Variants in TAFA2 observed in about 807,000 individuals in gnomAD.
The protein encoded by TAFA2 is TAFA chemokine like family member 2.
A neutral mutation model predicts 18.8 loss-of-function variants in TAFA2; 7 were observed. That is an observed-to-expected ratio of 0.37 (90% CI 0.21 to 0.70). The LOEUF is 0.70. Among genes scored for constraint, TAFA2 ranks in the 30% least tolerant of loss-of-function variants. TAFA2 has a pLI of 0.53. For missense variants in TAFA2, 122 were observed against 158.1 expected (o/e 0.77, Z 1.23); for synonymous variants, 60 against 54.2 (o/e 1.11, Z -0.47).
intron 2 of TAFA2, among the ~76,000 whole-genome samples, chr12:61,762,584 G>T (rs527672394): frequency 6.6e-6 from 1 of 150,870 alleles, no homozygotes; most frequent in South Asian, 2.1e-4. Flanking sequence ...CAAAGAAGTG[G>T]CTGTTAGGGG....
chr12:61,762,787 A>G (rs1869615864), intron 2 of TAFA2, among the ~76,000 whole-genome samples: 1 of 151,942 alleles, frequency 6.6e-6, no homozygotes, highest in African/African-American at 2.4e-5. Context: ...ACTAGATTTC[A>G]GTTCTTATTT....
intron 1 of TAFA2, among the ~76,000 whole-genome samples, chr12:61,873,394 G>T (rs1250208065): frequency 6.6e-6 from 1 of 151,998 alleles, no homozygotes; most frequent in Non-Finnish European, 1.5e-5. Flanking sequence ...CTGGTGTGCT[G>T]CTCTTTCAAG....
Position 61,979,310 on chromosome 12 carries a change from A to G in TAFA2, c.-1-111884T>C, listed in dbSNP as rs190747482. ...TAACTCAGTGGAATTGCTGAATGGC[A>G]AAGTGAATCACTGCCTTCCTGGGTA... On this transcript the variant is annotated intron_variant, in intron 1 of 4. Coordinates refer to ENST00000416284, the MANE Select transcript of TAFA2 (RefSeq NM_178539.5). Among the ~76,000 whole-genome samples the G allele has an allele frequency of 2.3e-3, 350 of 152,300 alleles. 1 individual carries two copies. Among genetic ancestry groups the G allele is most frequent in the South Asian group, 9.5e-3 (46 of 4,830 alleles).
chr12:61,802,470 C>T (rs1871438622), intron 2 of TAFA2, among the ~76,000 whole-genome samples: 1 of 151,846 alleles, frequency 6.6e-6, no homozygotes, highest in Non-Finnish European at 1.5e-5. Context: ...CATGGATGAG[C>T]CTGGAAGACA....
At chr12:62,218,058 C>T (rs563569166) in intron 1 of TAFA2, among the ~76,000 whole-genome samples, 81 of 151,676 alleles carry the variant, frequency 5.3e-4, no homozygotes, top group Non-Finnish European at 9.1e-4. Flanking sequence ...TGCAGTGATG[C>T]GATCATAGCT....
At chr12:62,122,331 T>G (rs1274410841) in intron 1 of TAFA2, among the ~76,000 whole-genome samples, 1 of 152,198 alleles carries the variant, frequency 6.6e-6, no homozygotes. Flanking sequence ...GTAGTCTAGA[T>G]GAAACCCAGG....
intron 1 of TAFA2, among the ~76,000 whole-genome samples, chr12:62,156,942 A>G (rs1274197667): frequency 6.6e-6 from 1 of 152,206 alleles, no homozygotes; most frequent in Non-Finnish European, 1.5e-5. Flanking sequence ...AAGGCACAGT[A>G]TAATAGGATT....
At chr12:62,137,924 C>G (rs1375034777) in intron 1 of TAFA2, among the ~76,000 whole-genome samples, 1 of 152,092 alleles carries the variant, frequency 6.6e-6, no homozygotes, top group Non-Finnish European at 1.5e-5. Flanking sequence ...TCAGACCTGC[C>G]TCTCTGACCT....
chr12:61,977,354 C>T (rs1401646457), intron 1 of TAFA2, among the ~76,000 whole-genome samples: 1 of 151,982 alleles, frequency 6.6e-6, no homozygotes, highest in Non-Finnish European at 1.5e-5. Flanking sequence ...TTAATTATCT[C>T]CTTTCCTGAT....
chr12:62,114,162 C>G (rs1244953565), intron 1 of TAFA2, among the ~76,000 whole-genome samples: 1 of 152,188 alleles, frequency 6.6e-6, no homozygotes, highest in African/African-American at 2.4e-5. Flanking sequence ...GTTGTGAAGA[C>G]CATGGGAAAA....
At chr12:61,881,912 T>C (rs1875159229) in intron 1 of TAFA2, among the ~76,000 whole-genome samples, 1 of 151,188 alleles carries the variant, frequency 6.6e-6, no homozygotes, top group Non-Finnish European at 1.5e-5. Context: ...AACTCTGACT[T>C]GAATCAGAAA....
At chr12:61,750,751 G>A (rs1380595467) in intron 4 of TAFA2, among the ~76,000 whole-genome samples, 3 of 152,090 alleles carry the variant, frequency 2.0e-5, no homozygotes, top group Non-Finnish European at 4.4e-5. Flanking sequence ...CCATTATAAG[G>A]GAGAGTGTAC....
At chr12:62,093,190 G>T (rs1481783528) in intron 1 of TAFA2, among the ~76,000 whole-genome samples, 2 of 151,856 alleles carry the variant, frequency 1.3e-5, no homozygotes, top group Non-Finnish European at 2.9e-5. Flanking sequence ...TGAGTCATTG[G>T]TTAGGAGCAC....
chr12:61,879,362 T>G (rs1875009561), intron 1 of TAFA2: 1 of 730,936 alleles, frequency 1.4e-6, no homozygotes, highest in African/African-American at 1.8e-5. Flanking sequence ...TATCCACCTC[T>G]GGCCCCCGGG....
chr12:62,149,495 T>C (rs1006795395), intron 1 of TAFA2, among the ~76,000 whole-genome samples: 5 of 151,288 alleles, frequency 3.3e-5, no homozygotes, highest in Admixed American at 2.0e-4. Flanking sequence ...AGATTTTATA[T>C]GAAAATACAG....
chr12:62,152,199 T>G (rs771494912), intron 1 of TAFA2, among the ~76,000 whole-genome samples: 1 of 152,184 alleles, frequency 6.6e-6, no homozygotes. Flanking sequence ...TTTAATTACA[T>G]TCACATTCTC....
intron 1 of TAFA2, among the ~76,000 whole-genome samples, chr12:62,176,985 A>G (rs1350027545): frequency 6.6e-6 from 1 of 152,252 alleles, no homozygotes; most frequent in East Asian, 1.9e-4. Flanking sequence ...TGCTTATAAA[A>G]TAGGAAGGAC....
At chr12:62,166,222 G>T (rs565436921) in intron 1 of TAFA2, among the ~76,000 whole-genome samples, 1 of 152,088 alleles carries the variant, frequency 6.6e-6, no homozygotes, top group South Asian at 2.1e-4. Context: ...TGAAACACTA[G>T]TTCTCACCTA....
intron 2 of TAFA2, among the ~76,000 whole-genome samples, chr12:61,813,143 T>C (rs1006253723): frequency 3.3e-5 from 5 of 151,342 alleles, no homozygotes; most frequent in Non-Finnish European, 5.9e-5. Context: ...AATTAGATTG[T>C]ATTTATGTTT....
Sources: allele counts gnomAD v4.1 joint callset (sites outside exome capture counted in the v4.1 genomes callset), GRCh38; gene constraint gnomAD v4.1.1; transcripts MANE v1.5; gene names NCBI Gene and HGNC (gene_info 2026-07-23, HGNC 2026-07-21).